The following COL22A1 variants were observed in gnomAD, a reference collection of about 807,000 sequenced individuals.
The protein encoded by COL22A1 is collagen alpha-1(XXII) chain.
A neutral mutation model predicts 248.9 loss-of-function variants in COL22A1; 221 were observed. That is an observed-to-expected ratio of 0.89 (90% confidence interval 0.80 to 0.99). COL22A1 has a LOEUF of 0.99. COL22A1 is among the 50% of genes least tolerant of loss of function. The pLI, the probability that COL22A1 is intolerant of heterozygous loss-of-function variation, is 0.00. For synonymous variants in COL22A1, 891 were observed against 793.4 expected, an observed-to-expected ratio of 1.12 and a Z score of -2.07; for missense variants, 2,240 against 2,179.0, an observed-to-expected ratio of 1.03 and a Z score of -0.56.
At chr8:138,820,422 T>C (rs1819014194) in intron 7 of COL22A1, among the ~76,000 whole-genome samples, 1 of 151,836 alleles carries the variant, frequency 6.6e-6, no homozygotes, top group Non-Finnish European at 1.5e-5. Flanking sequence ...TGCATCTCTG[T>C]GGCTACAGAT....
chr8:138,621,797 C>T (rs1169393035), intron 52 of COL22A1, among the ~76,000 whole-genome samples: 1 of 152,232 alleles, frequency 6.6e-6, no homozygotes, highest in Non-Finnish European at 1.5e-5. Flanking sequence ...ACCCTAGGCA[C>T]ACACGCAGTT....
chr8:138,751,522 G>T lies in COL22A1; in HGVS notation c.2032-11C>A, dbSNP rs201676364. 10 of 1,597,350 alleles carry T rather than the reference G, an allele frequency of 6.3e-6. No homozygotes were observed. The East Asian group carries it at 2.2e-4, about 36-fold the overall frequency. On this transcript the variant is annotated splice_polypyrimidine_tract_variant and intron_variant, in intron 21 of 64. Coordinates refer to ENST00000303045, the MANE Select transcript of COL22A1 (RefSeq NM_152888.3). Reference sequence around the variant, plus strand: ...TGGGCCTATTGGACCCTTTAGGAGGGAGAAAAAGGAAAAAGAGAGAGAAAC... The same window carrying T: ...TGGGCCTATTGGACCCTTTAGGAGGTAGAAAAAGGAAAAAGAGAGAGAAAC...
In COL22A1 at chr8:138,660,481, C is replaced by T. The variant is rs765483268; in HGVS notation, c.3241-1G>A. On this transcript the variant is annotated splice_acceptor_variant, in intron 43 of 64. Coordinates refer to ENST00000303045, the MANE Select transcript of COL22A1 (RefSeq NM_152888.3). LOFTEE classifies it high-confidence loss of function. Reference sequence around the variant, plus strand: ...TTTCTCCTGGATTTCCTGGTGCACCCTAAGAGAAGAAGGAAATAAAACATT... The same window carrying T: ...TTTCTCCTGGATTTCCTGGTGCACCTTAAGAGAAGAAGGAAATAAAACATT... The T allele has an allele frequency of 1.2e-6, 2 of 1,613,530 alleles. No individual in the cohort carries two copies. Among genetic ancestry groups the T allele is most frequent in the Non-Finnish European group, 1.7e-6 (2 of 1,179,476 alleles).
At chr8:138,684,767 C>A (rs1826211789) in intron 38 of COL22A1, among the ~76,000 whole-genome samples, 1 of 152,198 alleles carries the variant, frequency 6.6e-6, no homozygotes, top group African/African-American at 2.4e-5. Flanking sequence ...AGGGGCAAGG[C>A]CTCGTTTCAA....
intron 13 of COL22A1, among the ~76,000 whole-genome samples, chr8:138,780,590 C>A (rs547510535): frequency 1.2e-4 from 19 of 152,288 alleles, no homozygotes; most frequent in South Asian, 1.0e-3. Flanking sequence ...ACTCCTCCAG[C>A]TACAAACTGG....
intron 44 of COL22A1, among the ~76,000 whole-genome samples, chr8:138,657,976 C>A (rs1165420594): frequency 6.6e-6 from 1 of 152,110 alleles, no homozygotes; most frequent in African/African-American, 2.4e-5. Flanking sequence ...TTTCCCCTGT[C>A]ATGTCCTGCT....
intron 4 of COL22A1, among the ~76,000 whole-genome samples, chr8:138,837,111 TG>T (rs1448988745): frequency 6.6e-6 from 1 of 152,148 alleles, no homozygotes; most frequent in African/African-American, 2.4e-5. Flanking sequence ...ATTAAATACC[TG>T]GGGGGAAGCC....
At chr8:138,701,178 G>A (rs1012450767) in intron 31 of COL22A1, among the ~76,000 whole-genome samples, 2 of 152,000 alleles carry the variant, frequency 1.3e-5, no homozygotes, top group Admixed American at 1.3e-4. Context: ...TCTCCACCAT[G>A]CAAATATAAT....
At chr8:138,901,649 G>A (rs746082610) in intron 1 of COL22A1, among the ~76,000 whole-genome samples, 2 of 152,078 alleles carry the variant, frequency 1.3e-5, no homozygotes, top group Non-Finnish European at 2.9e-5. Context: ...TTGCAGGCAT[G>A]AGCCACCATG....
chr8:138,803,026 T>C (rs566086958), intron 10 of COL22A1, 92 bp from the exon 11 acceptor site: 2 of 968,736 alleles, frequency 2.1e-6, no homozygotes, highest in Admixed American at 3.4e-5. Context: ...CTTGCTCCAA[T>C]TCCCTAGAAG....
intron 7 of COL22A1, among the ~76,000 whole-genome samples, chr8:138,818,948 C>T (rs984582502): frequency 4.1e-4 from 62 of 152,258 alleles, no homozygotes; most frequent in African/African-American, 7.5e-4. Context: ...CAGTGTGTGA[C>T]GTGGGCGATG....
intron 13 of COL22A1, among the ~76,000 whole-genome samples, chr8:138,780,558 G>A (rs527406784): frequency 6.6e-6 from 1 of 152,284 alleles, no homozygotes; most frequent in South Asian, 2.1e-4. Context: ...AGGGTGTGGG[G>A]TGTTGCTTGG....
intron 3 of COL22A1, among the ~76,000 whole-genome samples, chr8:138,859,888 C>T (rs948795295): frequency 1.9e-5 from 2 of 104,446 alleles, no homozygotes; most frequent in East Asian, 4.5e-4. Context: ...AGTAAAGCAA[C>T]GGTGGCTGTA....
chr8:138,819,937 AT>A (rs1818969566), intron 7 of COL22A1, among the ~76,000 whole-genome samples: 2 of 152,038 alleles, frequency 1.3e-5, no homozygotes, highest in South Asian at 4.1e-4. Flanking sequence ...TGTTGCTTAC[AT>A]TTTCCTCATA....
intron 43 of COL22A1, among the ~76,000 whole-genome samples, chr8:138,661,087 A>AACAC (rs1823914222): frequency 3.0e-5 from 2 of 67,050 alleles, no homozygotes; most frequent in African/African-American, 1.1e-4. Flanking sequence ...CATACACACA[A>AACAC]ACATACACAC....
At chr8:138,624,201 C>T (rs904668886) in intron 51 of COL22A1, among the ~76,000 whole-genome samples, 3 of 152,032 alleles carry the variant, frequency 2.0e-5, no homozygotes, top group Non-Finnish European at 2.9e-5. Context: ...TTTGATAACA[C>T]GCAGGAAGGT....
chr8:138,755,314 G>A, intron 20 of COL22A1, 104 bp from the exon 21 acceptor site: 1 of 1,349,642 alleles, frequency 7.4e-7, no homozygotes, highest in Non-Finnish European at 1.1e-6. Context: ...TACTTTCCAA[G>A]TTCTCGATAG....
chr8:138,594,091 G>A lies in COL22A1; in HGVS notation c.4541C>T (p.Ala1514Val). ...PPGKDGLPGR[A>V]GPMGEPGRPG... is the part of the protein sequence containing the mutation. ...ACGACCTGGCTCCCCCATGGGGCCG[G>A]CCCGGCCTGGAAGCCCATCTTTTCC... The change falls in exon 63 of 65, where the codon GCC becomes GTC. Residue 1514 changes from alanine (A) to valine (V), a missense_variant. Ala to Val is a moderately conservative substitution (Grantham distance 64). Transcript: ENST00000303045. 1 of 1,584,944 alleles carries A rather than the reference G, an allele frequency of 6.3e-7. No homozygotes were observed. Among genetic ancestry groups the A allele is most frequent in the Non-Finnish European group, 8.5e-7 (1 of 1,170,496 alleles).
Position 138,866,720 on chromosome 8 carries a change from C to G in COL22A1, c.658+11030G>C, listed in dbSNP as rs557928369. On this transcript the variant is annotated intron_variant, in intron 3 of 64. Transcript: ENST00000303045. ...CCAGGCAGCGCTGATTCATATTGAA[C>G]CTCAAACCCCTTCTAGTTCCACTGG... 4.1e-4 allele frequency among the ~76,000 whole-genome samples: 62 copies of G among 152,326 alleles called. No homozygotes were observed. In the South Asian group the frequency reaches 6.4e-3, roughly 16 times the overall value.
Sources: gnomAD v4.1 joint callset for allele counts (sites outside exome capture counted in the v4.1 genomes callset) on GRCh38, gnomAD v4.1.1 for gene constraint, MANE v1.5 for transcripts, NCBI Gene and HGNC (gene_info 2026-07-23, HGNC 2026-07-21) for gene names.